The following KCNH1 variants were observed in gnomAD, a reference collection of about 807,000 sequenced individuals.
KCNH1 encodes the protein potassium voltage-gated channel subfamily H member 1.
In KCNH1, 27 loss-of-function variants were observed where a neutral mutation model predicts 69.2. The ratio of observed to expected loss-of-function variants is 0.39; its 90% CI spans 0.29 to 0.54. The LOEUF (loss-of-function observed/expected upper bound fraction) is 0.54, where lower values mean the gene tolerates loss of function less well. KCNH1 is among the 20% of genes least tolerant of loss of function. The pLI is 0.68. For missense variants in KCNH1, 798 were observed against 1,261.6 expected, an observed-to-expected ratio of 0.63 and a Z score of 5.57; for synonymous variants, 456 against 487.7, an observed-to-expected ratio of 0.93 and a Z score of 0.86.
chr1:211,043,490 G>A (rs1468260065), intron 5 of KCNH1, among the ~76,000 whole-genome samples: 5 of 152,066 alleles, frequency 3.3e-5, no homozygotes, highest in Non-Finnish European at 5.9e-5. Context: ...AAAAATTCAG[G>A]ACCAGACAAA....
chr1:210,922,053 A>G (rs1398045299), intron 6 of KCNH1, among the ~76,000 whole-genome samples: 1 of 151,944 alleles, frequency 6.6e-6, no homozygotes, highest in Admixed American at 6.6e-5. Context: ...TGTTGAGGTG[A>G]GGATGGAAGA....
chr1:210,849,984 A>AGAATAAAAAAGAATAAAATGTGGG (rs1685648780), intron 7 of KCNH1, among the ~76,000 whole-genome samples: 2 of 152,180 alleles, frequency 1.3e-5, no homozygotes, highest in Admixed American at 1.3e-4. Flanking sequence ...TTAAATCTAC[A>AGAATAAAAAAGAATAAAATGTGGG]GAATAAAAAA....
rs1028618342 is a variant in KCNH1, at chr1:210,744,439, T to G, written c.2112+30909A>C. Among the ~76,000 whole-genome samples, 47 of 151,376 alleles carry G rather than the reference T, an allele frequency of 3.1e-4. 1 individual carries two copies. The highest frequency in any genetic ancestry group is 1.5e-3 in the South Asian group (7 of 4,740). On this transcript the variant is annotated intron_variant, in intron 10 of 10. Transcript: ENST00000271751. ...GGCAGGCGGATCACGAGGTCAGGAGTTCAAGACTAGCCTGACCAACATAGT... is the reference window on the plus strand; with the variant it reads ...GGCAGGCGGATCACGAGGTCAGGAGGTCAAGACTAGCCTGACCAACATAGT...
At chr1:210,952,315 T>A (rs1445111086) in intron 6 of KCNH1, among the ~76,000 whole-genome samples, 1 of 152,102 alleles carries the variant, frequency 6.6e-6, no homozygotes, top group Non-Finnish European at 1.5e-5. Flanking sequence ...ATCTTTCCTT[T>A]CTCCCTGGTG....
At chr1:210,695,225 G>T (rs1432452511) in intron 10 of KCNH1, among the ~76,000 whole-genome samples, 1 of 152,230 alleles carries the variant, frequency 6.6e-6, no homozygotes, top group African/African-American at 2.4e-5. Flanking sequence ...AACAACTCAA[G>T]TCCTTTACTT....
intron 6 of KCNH1, among the ~76,000 whole-genome samples, chr1:210,993,850 C>A (rs1281010626): frequency 6.6e-6 from 1 of 152,048 alleles, no homozygotes; most frequent in African/African-American, 2.4e-5. Context: ...CTCTCACTAG[C>A]TGTGTGCTTC....
At chr1:210,743,944 C>T (rs537990877) in intron 10 of KCNH1, among the ~76,000 whole-genome samples, 12 of 152,308 alleles carry the variant, frequency 7.9e-5, no homozygotes, top group Admixed American at 7.8e-4. Context: ...CTGGGGGCTT[C>T]TACTGTCCAT....
intron 1 of KCNH1, among the ~76,000 whole-genome samples, chr1:211,126,301 G>T (rs980214752): frequency 6.6e-6 from 1 of 152,168 alleles, no homozygotes; most frequent in African/African-American, 2.4e-5. Flanking sequence ...ACAAGATCAG[G>T]AGATCAAGAC....
At chr1:210,992,368 T>C (rs1688953104) in intron 6 of KCNH1, among the ~76,000 whole-genome samples, 1 of 152,218 alleles carries the variant, frequency 6.6e-6, no homozygotes. Flanking sequence ...ATATCTTTCT[T>C]GCAGACCTAG....
chr1:210,691,332 T>C (rs111302556), intron 10 of KCNH1, among the ~76,000 whole-genome samples: 2,207 of 152,326 alleles, frequency 0.014, 64 homozygotes, highest in African/African-American at 0.05. Flanking sequence ...CTGACACTGA[T>C]GGAGAGCTCT....
At chr1:210,981,372 C>CAAA (rs10684074) in intron 6 of KCNH1, among the ~76,000 whole-genome samples, 1,423 of 85,172 alleles carry the variant, frequency 0.017, 38 homozygotes, top group African/African-American at 0.057. Flanking sequence ...GTAACAACGA[C>CAAA]AAAAAAAAAA....
chr1:210,918,382 G>A (rs777587726), intron 7 of KCNH1, among the ~76,000 whole-genome samples: 96 of 152,158 alleles, frequency 6.3e-4, no homozygotes, highest in African/African-American at 2.2e-3. Flanking sequence ...CCAGAGGACC[G>A]TCTTCTCACA....
intron 10 of KCNH1, among the ~76,000 whole-genome samples, chr1:210,702,690 C>T (rs1390235202): frequency 6.6e-6 from 1 of 152,162 alleles, no homozygotes; most frequent in Non-Finnish European, 1.5e-5. Flanking sequence ...GACTTTAAGC[C>T]AACCCCCTGA....
chr1:211,099,851 C>A (rs1691226778), intron 3 of KCNH1, among the ~76,000 whole-genome samples: 1 of 152,142 alleles, frequency 6.6e-6, no homozygotes, highest in South Asian at 2.1e-4. Flanking sequence ...TCACTGGACA[C>A]CACTGACAAA....
intron 6 of KCNH1, among the ~76,000 whole-genome samples, chr1:210,933,122 A>C (rs1687706987): frequency 6.6e-6 from 1 of 152,242 alleles, no homozygotes; most frequent in Non-Finnish European, 1.5e-5. Context: ...CCAAATGTCC[A>C]ACAATGATAG....
chr1:211,055,925 C>T (rs1388057896), intron 5 of KCNH1, among the ~76,000 whole-genome samples: 1 of 152,222 alleles, frequency 6.6e-6, no homozygotes, highest in Non-Finnish European at 1.5e-5. Context: ...CCAGGCAGTG[C>T]TCACCCCAGG....
intron 6 of KCNH1, among the ~76,000 whole-genome samples, chr1:210,958,636 C>T (rs1189700500): frequency 6.6e-6 from 1 of 152,156 alleles, no homozygotes; most frequent in East Asian, 1.9e-4. Context: ...CTAATCTTGT[C>T]TTCTTGCTTT....
At chr1:210,735,798 GACACAC>G (rs34116468) in intron 10 of KCNH1, among the ~76,000 whole-genome samples, 4 of 147,328 alleles carry the variant, frequency 2.7e-5, no homozygotes, top group Admixed American at 1.4e-4. Context: ...TGCATACACA[GACACAC>G]ACACACACAC....
chr1:210,731,522 G>A (rs1682745837), intron 10 of KCNH1, among the ~76,000 whole-genome samples: 2 of 152,170 alleles, frequency 1.3e-5, no homozygotes, highest in African/African-American at 4.8e-5. Context: ...TAAGAAAGTA[G>A]ACAGGGGAGT....
Sources: allele counts gnomAD v4.1 joint callset (sites outside exome capture counted in the v4.1 genomes callset), GRCh38; gene constraint gnomAD v4.1.1; transcripts MANE v1.5; gene names NCBI Gene and HGNC (gene_info 2026-07-23, HGNC 2026-07-21).